Variants in LYPLAL1 observed in about 807,000 individuals in gnomAD.
LYPLAL1 encodes the protein lysophospholipase like 1, also known as lysophospholipase-like protein 1.
A neutral mutation model predicts 19.7 loss-of-function variants in LYPLAL1; 23 were observed. The observed-to-expected ratio is 1.17, with a 90% CI of 0.84 to 1.65. The LOEUF (loss-of-function observed/expected upper bound fraction) is 1.65, where lower values mean the gene tolerates loss of function less well. LYPLAL1 is among the 40% of genes most tolerant of loss of function. The pLI is 0.00. For missense variants in LYPLAL1, 355 were observed against 279.4 expected (o/e 1.27, Z -1.93); for synonymous variants, 119 against 96.3 (o/e 1.24, Z -1.38).
chr1:219,359,465 A>G, the LYPLAL1 span, among the ~76,000 whole-genome samples: 1 of 152,202 alleles, frequency 6.6e-6, no homozygotes, highest in Non-Finnish European at 1.5e-5. Flanking sequence ...CTTGTGAACA[A>G]TGGAGAAAAC....
At chr1:219,256,047 C>G in the LYPLAL1 span, among the ~76,000 whole-genome samples, 1 of 150,938 alleles carries the variant, frequency 6.6e-6, no homozygotes, top group Non-Finnish European at 1.5e-5. Context: ...TTGTAATATT[C>G]TCATCAGATT....
chr1:219,410,820 A>G, the LYPLAL1 span, among the ~76,000 whole-genome samples: 3 of 152,218 alleles, frequency 2.0e-5, no homozygotes, highest in South Asian at 2.1e-4. Flanking sequence ...GGGTGTACTG[A>G]GTCCCCCAGC....
At chr1:219,437,392 C>G in the LYPLAL1 span, among the ~76,000 whole-genome samples, 2 of 152,232 alleles carry the variant, frequency 1.3e-5, no homozygotes, top group East Asian at 3.9e-4. Context: ...CTAAATAGCT[C>G]TCAAATCTTC....
At chr1:219,357,953 G>T in the LYPLAL1 span, among the ~76,000 whole-genome samples, 1 of 152,138 alleles carries the variant, frequency 6.6e-6, no homozygotes, top group African/African-American at 2.4e-5. Flanking sequence ...CATATTATAT[G>T]TTCTTTTTAT....
chr1:219,341,954 A>C, the LYPLAL1 span, among the ~76,000 whole-genome samples: 1 of 152,110 alleles, frequency 6.6e-6, no homozygotes, highest in Non-Finnish European at 1.5e-5. Flanking sequence ...CAGGCTGGGG[A>C]AGAATAACAG....
the LYPLAL1 span, among the ~76,000 whole-genome samples, chr1:219,416,191 A>C: frequency 1.3e-5 from 2 of 152,300 alleles, no homozygotes; most frequent in South Asian, 4.1e-4. Flanking sequence ...AGATATGCTT[A>C]GTTTTTACCT....
At chr1:219,311,751 G>A in the LYPLAL1 span, among the ~76,000 whole-genome samples, 6 of 152,010 alleles carry the variant, frequency 3.9e-5, no homozygotes, top group Admixed American at 6.5e-5. Flanking sequence ...TTGAATATAC[G>A]CATAATCCAA....
chr1:219,200,761 A>G (rs1336717424), intron 3 of LYPLAL1, among the ~76,000 whole-genome samples: 2 of 152,178 alleles, frequency 1.3e-5, no homozygotes, highest in African/African-American at 4.8e-5. Flanking sequence ...TTATCACTTG[A>G]TTATAGAAGA....
At chr1:219,411,397 C>G in the LYPLAL1 span, among the ~76,000 whole-genome samples, 7 of 152,176 alleles carry the variant, frequency 4.6e-5, no homozygotes, top group African/African-American at 1.7e-4. Flanking sequence ...TCTAGCTGCT[C>G]TGGTGGGGCC....
At chr1:219,439,974 C>CACATATATATATACATAT in the LYPLAL1 span, among the ~76,000 whole-genome samples, 1 of 100,178 alleles carries the variant, frequency 1.0e-5, no homozygotes, top group African/African-American at 4.4e-5. Flanking sequence ...TATATATATA[C>CACATATATATATACATAT]ATATATATAT....
At chr1:219,323,749 A>G in the LYPLAL1 span, among the ~76,000 whole-genome samples, 1 of 152,190 alleles carries the variant, frequency 6.6e-6, no homozygotes, top group Non-Finnish European at 1.5e-5. Flanking sequence ...ACAATAATAA[A>G]AACCTTAGAA....
chr1:219,392,313 T>C, the LYPLAL1 span, among the ~76,000 whole-genome samples: 1 of 152,312 alleles, frequency 6.6e-6, no homozygotes, highest in African/African-American at 2.4e-5. Flanking sequence ...TTAAAGTAAA[T>C]GACAGTGGTT....
chr1:219,252,097 G>T, the LYPLAL1 span, among the ~76,000 whole-genome samples: 4 of 151,990 alleles, frequency 2.6e-5, no homozygotes, highest in African/African-American at 9.7e-5. Flanking sequence ...GCTGTTGTTG[G>T]TTTATAGGAA....
the LYPLAL1 span, among the ~76,000 whole-genome samples, chr1:219,393,248 G>A: frequency 3.9e-5 from 6 of 152,190 alleles, no homozygotes; most frequent in African/African-American, 7.2e-5. Context: ...TAGTACCTGG[G>A]CCACCAGGTG....
the LYPLAL1 span, among the ~76,000 whole-genome samples, chr1:219,296,657 AT>A: frequency 6.6e-6 from 1 of 152,172 alleles, no homozygotes; most frequent in African/African-American, 2.4e-5. Context: ...TCTTGCTTAA[AT>A]TTTTTGTTTA....
the LYPLAL1 span, among the ~76,000 whole-genome samples, chr1:219,320,792 A>G: frequency 6.6e-6 from 1 of 152,182 alleles, no homozygotes; most frequent in Non-Finnish European, 1.5e-5. Context: ...ATTGCTGCAT[A>G]GTATTCCATT....
the LYPLAL1 span, among the ~76,000 whole-genome samples, chr1:219,261,311 C>G: frequency 6.6e-6 from 1 of 152,098 alleles, no homozygotes; most frequent in Non-Finnish European, 1.5e-5. Flanking sequence ...TTCTTCACCA[C>G]CTGGTGGTGA....
the LYPLAL1 span, among the ~76,000 whole-genome samples, chr1:219,375,085 C>T: frequency 6.6e-6 from 1 of 152,182 alleles, no homozygotes; most frequent in African/African-American, 2.4e-5. Flanking sequence ...AAAGTAATGC[C>T]AGCCTAATAG....
chr1:219,436,318 C>A, the LYPLAL1 span, among the ~76,000 whole-genome samples: 1 of 152,248 alleles, frequency 6.6e-6, no homozygotes, highest in East Asian at 1.9e-4. Context: ...CCCCCTTTTC[C>A]ATAAAATAAA....
Sources: gnomAD v4.1 joint callset for allele counts (sites outside exome capture counted in the v4.1 genomes callset) on GRCh38, gnomAD v4.1.1 for gene constraint, MANE v1.5 for transcripts, NCBI Gene and HGNC (gene_info 2026-07-23, HGNC 2026-07-21) for gene names.